The following SGK3 variants were observed in gnomAD, a reference collection of about 807,000 sequenced individuals.
The protein encoded by SGK3 is serine/threonine-protein kinase Sgk3.
SGK3 carries 47 observed loss-of-function variants against 68.5 expected under a neutral mutation model. The ratio of observed to expected loss-of-function variants is 0.69; its 90% CI spans 0.54 to 0.87. SGK3 has a LOEUF of 0.87. Among genes scored for constraint, SGK3 ranks in the 40% least tolerant of loss-of-function variants. The pLI is 0.00. For synonymous variants in SGK3, 181 were observed against 189.1 expected (o/e 0.96, Z 0.35); for missense variants, 479 against 575.5 (o/e 0.83, Z 1.72).
intron 10 of SGK3, among the ~76,000 whole-genome samples, chr8:66,839,573 T>A (rs1240564586): frequency 7.8e-6 from 1 of 127,748 alleles, no homozygotes; most frequent in Non-Finnish European, 1.6e-5. Flanking sequence ...ATATGGGTTA[T>A]ATTTGTTCTG....
intron 5 of SGK3, among the ~76,000 whole-genome samples, chr8:66,821,727 A>T: frequency 8.4e-6 from 1 of 119,702 alleles, no homozygotes; most frequent in East Asian, 2.4e-4. Flanking sequence ...GGGTTTCACC[A>T]TGTTAGCCAG....
At chr8:66,748,219 A>T (rs1805705648) in intron 1 of SGK3, among the ~76,000 whole-genome samples, 1 of 152,166 alleles carries the variant, frequency 6.6e-6, no homozygotes, top group South Asian at 2.1e-4. Flanking sequence ...TATAATATAA[A>T]TCCTTTCTTC....
intron 1 of SGK3, among the ~76,000 whole-genome samples, chr8:66,732,026 A>T (rs533356193): frequency 6.6e-6 from 1 of 152,308 alleles, no homozygotes; most frequent in South Asian, 2.1e-4. Flanking sequence ...TTACTTGCTA[A>T]CATGGTTGAG....
intron 7 of SGK3, 133 bp downstream of exon 7, chr8:66,828,836 A>G: frequency 1.7e-6 from 2 of 1,154,776 alleles, no homozygotes; most frequent in South Asian, 1.4e-5. Flanking sequence ...CAGTGAATAC[A>G]GTGCTGTCAT....
rs893559224 is a variant in SGK3, at chr8:66,861,437, A to G, written c.*1856A>G. 3 of 151,854 alleles carry G rather than the reference A, an allele frequency of 2.0e-5. No homozygotes were observed. The highest frequency in any genetic ancestry group is 7.3e-5 in the African/African-American group (3 of 41,174). 9.4% of individuals were successfully genotyped at this position (151,854 alleles called of 1,614,324 possible). ...AGCCTAGGCAATGTAGTGACACCTC[A>G]TTTCTATTTATTTTAAAAAAAAGAG... is the stretch of plus-strand genomic sequence containing the variant. On this transcript the variant is annotated 3_prime_UTR_variant, in exon 17 of 17. Transcript: ENST00000521198.
intron 6 of SGK3, among the ~76,000 whole-genome samples, chr8:66,824,460 TA>T (rs112955943): frequency 0.13 from 19,608 of 151,146 alleles, 2,403 homozygotes; most frequent in African/African-American, 0.32. Flanking sequence ...TCTACCAAAT[TA>T]AAAAAAAATG....
chr8:66,836,199 G>A (rs978156838), intron 10 of SGK3, 125 bp downstream of exon 10: 2 of 1,247,630 alleles, frequency 1.6e-6, no homozygotes, highest in Non-Finnish European at 2.2e-6. Context: ...TAATATTCAA[G>A]GTACTGGCTG....
At chr8:66,740,781 C>T (rs912306257) in intron 1 of SGK3, among the ~76,000 whole-genome samples, 1 of 151,970 alleles carries the variant, frequency 6.6e-6, no homozygotes, top group South Asian at 2.1e-4. Flanking sequence ...GTGGTGCACG[C>T]CCGTAGTCCC....
At chr8:66,786,071 CTG>C (rs1182667140) in intron 1 of SGK3, among the ~76,000 whole-genome samples, 1 of 152,164 alleles carries the variant, frequency 6.6e-6, no homozygotes, top group African/African-American at 2.4e-5. Context: ...CCTTCTTACT[CTG>C]TTTTATTTAG....
chr8:66,851,531 T>G (rs370216343), intron 16 of SGK3, among the ~76,000 whole-genome samples: 3 of 136,882 alleles, frequency 2.2e-5, no homozygotes, highest in South Asian at 4.7e-4. Flanking sequence ...AAAATAAAAT[T>G]AAAAAAAAAA....
rs778329720 is a variant in SGK3 at position 66,850,805 on chromosome 8, AAAAC to A, written c.1231-22_1231-19del. 26 of 1,572,600 alleles carry A rather than the reference AAAAC, an allele frequency of 1.7e-5. No individual in the cohort carries two copies. The East Asian group carries it at 5.8e-4, about 35-fold the overall frequency. On this transcript the variant is annotated intron_variant, in intron 15 of 16. Transcript: ENST00000521198. ...ACTTAATATATTCTTCGGCATTAGTAAAACAAATTTTTTTTAATATTCCAGCTTG... is the reference window on the plus strand; with the variant it reads ...ACTTAATATATTCTTCGGCATTAGTAAAATTTTTTTTAATATTCCAGCTTG...
intron 5 of SGK3, among the ~76,000 whole-genome samples, chr8:66,815,098 T>C (rs1051707738): frequency 2.6e-5 from 4 of 152,234 alleles, no homozygotes; most frequent in Admixed American, 2.6e-4. Context: ...TGAGTAATTG[T>C]TCTAAAAATG....
intron 11 of SGK3, 29 bp downstream of exon 11, chr8:66,840,144 T>C: frequency 6.2e-7 from 1 of 1,605,180 alleles, no homozygotes; most frequent in Non-Finnish European, 8.5e-7. Context: ...CTTGTAAAAA[T>C]TGTATATAAC....
chr8:66,729,946 A>C (rs927136535), intron 1 of SGK3, among the ~76,000 whole-genome samples: 6 of 151,972 alleles, frequency 3.9e-5, no homozygotes, highest in Non-Finnish European at 8.8e-5. Context: ...GGGTTTCACC[A>C]TGTTGGCCAG....
intron 1 of SGK3, among the ~76,000 whole-genome samples, chr8:66,745,952 G>C (rs1303073433): frequency 6.6e-6 from 1 of 152,126 alleles, no homozygotes; most frequent in African/African-American, 2.4e-5. Context: ...CAACACCTGT[G>C]CTTAGGGGAT....
At chr8:66,747,882 A>G (rs1805696861) in intron 1 of SGK3, among the ~76,000 whole-genome samples, 1 of 152,192 alleles carries the variant, frequency 6.6e-6, no homozygotes, top group Admixed American at 6.6e-5. Context: ...ATTAAAAATG[A>G]TGCAATGTGC....
chr8:66,801,106 T>G (rs1807926441), intron 3 of SGK3, among the ~76,000 whole-genome samples: 1 of 152,258 alleles, frequency 6.6e-6, no homozygotes, highest in Non-Finnish European at 1.5e-5. Context: ...TGAGTATCCC[T>G]TATCTGAAAT....
chr8:66,721,307 T>C (rs939842935), intron 1 of SGK3, among the ~76,000 whole-genome samples: 6 of 152,216 alleles, frequency 3.9e-5, no homozygotes. Flanking sequence ...CCTGCACCCT[T>C]TGTGGCCTCC....
intron 10 of SGK3, among the ~76,000 whole-genome samples, chr8:66,836,988 C>A (rs1206329711): frequency 1.3e-5 from 2 of 152,030 alleles, no homozygotes; most frequent in Non-Finnish European, 2.9e-5. Flanking sequence ...TTGGGAAATG[C>A]TGCTATTACA....
Sources: allele counts gnomAD v4.1 joint callset (sites outside exome capture counted in the v4.1 genomes callset), GRCh38; gene constraint gnomAD v4.1.1; transcripts MANE v1.5; gene names NCBI Gene and HGNC (gene_info 2026-07-23, HGNC 2026-07-21).